TBC1D21: variants seen among roughly 807,000 people sequenced by gnomAD.
The protein encoded by TBC1D21 is TBC1 domain family member 21, also known as male germ cell Rab GTPase-activating protein.
Under a neutral mutation model 46.0 loss-of-function variants are expected in TBC1D21, and 38 were observed. The observed-to-expected ratio is 0.83, with a 90% confidence interval of 0.64 to 1.08. The LOEUF is 1.08. Among genes scored for constraint, TBC1D21 ranks in the 50% least tolerant of loss-of-function variants. The pLI, the probability that TBC1D21 is intolerant of heterozygous loss-of-function variation, is 0.00. For synonymous variants in TBC1D21, 151 were observed against 157.2 expected, an observed-to-expected ratio of 0.96 and a Z score of 0.29; for missense variants, 415 against 417.9, an observed-to-expected ratio of 0.99 and a Z score of 0.06.
the TBC1D21 span, among the ~76,000 whole-genome samples, chr15:73,902,531 C>T: frequency 2.0e-5 from 3 of 152,204 alleles, no homozygotes; most frequent in Non-Finnish European, 4.4e-5. Context: ...AGAAGCCTTC[C>T]CCAGAGCAGA....
At chr15:73,895,686 A>G in the TBC1D21 span, among the ~76,000 whole-genome samples, 1 of 152,148 alleles carries the variant, frequency 6.6e-6, no homozygotes, top group Non-Finnish European at 1.5e-5. Context: ...AATGGCCTCA[A>G]TCTTTCAACT....
intron 1 of TBC1D21, among the ~76,000 whole-genome samples, chr15:73,875,433 C>T (rs955104810): frequency 1.3e-5 from 2 of 151,664 alleles, no homozygotes; most frequent in South Asian, 2.1e-4. Flanking sequence ...CATTAAAACC[C>T]TCATAAAAAG....
intron 6 of TBC1D21, among the ~76,000 whole-genome samples, chr15:73,885,570 G>T (rs982869262): frequency 6.6e-6 from 1 of 152,060 alleles, no homozygotes; most frequent in Non-Finnish European, 1.5e-5. Context: ...CACTGTCCAA[G>T]TTGAGGGGTT....
chr15:73,876,231 T>G (rs12708511), intron 1 of TBC1D21, among the ~76,000 whole-genome samples: 8,536 of 47,578 alleles, frequency 0.18, 1,370 homozygotes, highest in East Asian at 0.6. Context: ...TTTTTTTTTT[T>G]TTTTTTTTTT....
chr15:73,883,808 T>A (rs1336525886), intron 3 of TBC1D21, among the ~76,000 whole-genome samples: 4 of 152,220 alleles, frequency 2.6e-5, no homozygotes, highest in Non-Finnish European at 5.9e-5. Context: ...ATGCCCATTC[T>A]ACAGATGGGG....
At chr15:73,898,244 G>C in the TBC1D21 span, among the ~76,000 whole-genome samples, 3 of 152,232 alleles carry the variant, frequency 2.0e-5, no homozygotes, top group African/African-American at 7.2e-5. Context: ...GGGTGCAGCT[G>C]TGCAAGCCAT....
In TBC1D21 at chr15:73,873,763, C is replaced by T. The variant is rs1351344047; in HGVS notation, c.54C>T (p.Phe18=). Residue 18 remains phenylalanine (F), a synonymous_variant, in exon 1 of 11, where the codon TTC becomes TTT. Coordinates refer to ENST00000300504, the MANE Select transcript of TBC1D21 (RefSeq NM_153356.3). ...NSLSARQSAS[F]ILVKRKPPID... is the part of the protein sequence containing the mutation. Reference sequence around the variant, plus strand: ...TCTCTGCCAGACAGTCAGCCTCCTTCATCCTGGTGCGTGTTCTTTGTCAGC... The same window carrying T: ...TCTCTGCCAGACAGTCAGCCTCCTTTATCCTGGTGCGTGTTCTTTGTCAGC... The T allele has an allele frequency of 6.2e-7, 1 of 1,610,042 alleles. No homozygotes were observed. Among genetic ancestry groups the T allele is most frequent in the South Asian group, 1.1e-5 (1 of 90,128 alleles).
the TBC1D21 span, among the ~76,000 whole-genome samples, chr15:73,901,892 G>T: frequency 6.6e-6 from 1 of 152,050 alleles, no homozygotes; most frequent in East Asian, 1.9e-4. Context: ...GCTCACTGCA[G>T]CCTTGACCTC....
chr15:73,896,378 T>A, the TBC1D21 span, among the ~76,000 whole-genome samples: 1 of 105,974 alleles, frequency 9.4e-6, no homozygotes, highest in Non-Finnish European at 2.3e-5. Context: ...CAATGGCAGG[T>A]CGTGGTGGTA....
At chr15:73,876,925 G>A (rs897669472) in intron 1 of TBC1D21, among the ~76,000 whole-genome samples, 10 of 152,086 alleles carry the variant, frequency 6.6e-5, no homozygotes, top group African/African-American at 2.2e-4. Context: ...CCCACCCCCA[G>A]CATGGCATTA....
intron 3 of TBC1D21, among the ~76,000 whole-genome samples, chr15:73,883,197 G>C (rs962242464): frequency 6.6e-5 from 10 of 152,248 alleles, no homozygotes; most frequent in African/African-American, 2.4e-4. Context: ...AGATTCACGT[G>C]TCGGGGCCAG....
intron 6 of TBC1D21, among the ~76,000 whole-genome samples, chr15:73,885,435 TC>T: frequency 6.6e-6 from 1 of 152,252 alleles, no homozygotes; most frequent in South Asian, 2.1e-4. Flanking sequence ...TGCTTCTTCC[TC>T]AATGGCTCCC....
chr15:73,886,621 T>C lies in TBC1D21; in HGVS notation c.777+9T>C, dbSNP rs74023589. On this transcript the variant is annotated intron_variant, in intron 8 of 10. Transcript: ENST00000300504. ...TCTGGAGGCTCTGGGAGGTGAGGTGTCCAGCTAGGGATCATCAGGCTGGGC... is the reference window on the plus strand; with the variant it reads ...TCTGGAGGCTCTGGGAGGTGAGGTGCCCAGCTAGGGATCATCAGGCTGGGC... 4.1e-3 allele frequency: 6,574 copies of C among 1,612,116 alleles called. 196 individuals carry two copies. The African/African-American group carries it at 0.076, about 19-fold the overall frequency.
intron 2 of TBC1D21, 37 bp from the exon 3 acceptor site, chr15:73,881,607 T>G (rs201504705): frequency 6.2e-7 from 1 of 1,605,224 alleles, no homozygotes; most frequent in East Asian, 2.2e-5. Context: ...TAGGCATCGA[T>G]AGAGCCCATG....
chr15:73,881,929 C>T (rs561884931), intron 3 of TBC1D21, among the ~76,000 whole-genome samples, 182 bp downstream of exon 3: 2 of 152,232 alleles, frequency 1.3e-5, no homozygotes, highest in South Asian at 4.1e-4. Context: ...GCCTTCTCTC[C>T]CTGAGCTCCA....
intron 1 of TBC1D21, among the ~76,000 whole-genome samples, chr15:73,877,547 A>G (rs66540389): frequency 0.42 from 33,831 of 79,994 alleles, 8,433 homozygotes; most frequent in Middle Eastern, 0.54. Context: ...AAAAAAAAAA[A>G]AAAGAAATCC....
chr15:73,898,224 G>A, the TBC1D21 span, among the ~76,000 whole-genome samples: 5 of 152,250 alleles, frequency 3.3e-5, no homozygotes, highest in East Asian at 1.9e-4. Flanking sequence ...CACCAGGCCC[G>A]TGTGGCACAG....
chr15:73,904,448 C>A, the TBC1D21 span, among the ~76,000 whole-genome samples: 2 of 152,202 alleles, frequency 1.3e-5, no homozygotes, highest in Admixed American at 6.5e-5. Context: ...TGTCTGAAAT[C>A]GGCTATGGCA....
At chr15:73,897,227 G>T in the TBC1D21 span, among the ~76,000 whole-genome samples, 2 of 152,136 alleles carry the variant, frequency 1.3e-5, no homozygotes, top group Non-Finnish European at 2.9e-5. Context: ...CTGGAATCGG[G>T]CCCCAGGTAA....
Sources: gnomAD v4.1 joint callset for allele counts (sites outside exome capture counted in the v4.1 genomes callset) on GRCh38, gnomAD v4.1.1 for gene constraint, MANE v1.5 for transcripts, NCBI Gene and HGNC (gene_info 2026-07-23, HGNC 2026-07-21) for gene names.